Variants in INPP4B observed in about 807,000 individuals in gnomAD.
INPP4B encodes the protein inositol polyphosphate-4-phosphatase type II B.
Under a neutral mutation model 122.5 loss-of-function variants are expected in INPP4B, and 55 were observed. That is an observed-to-expected ratio of 0.45 (90% CI 0.36 to 0.56). The LOEUF (loss-of-function observed/expected upper bound fraction) is 0.56, where lower values mean the gene tolerates loss of function less well. Ranked by LOEUF, INPP4B falls within the 20% of genes least tolerant of loss-of-function variation. The pLI is 0.00. For synonymous variants in INPP4B, 403 were observed against 388.7 expected (o/e 1.04, Z -0.43); for missense variants, 1,000 against 1,097.7 (o/e 0.91, Z 1.26).
At chr4:142,639,133 G>C (rs1749818164) in intron 2 of INPP4B, among the ~76,000 whole-genome samples, 1 of 152,022 alleles carries the variant, frequency 6.6e-6, no homozygotes, top group Non-Finnish European at 1.5e-5. Context: ...ATGCCACTTG[G>C]TTGTGGTATA....
At chr4:142,519,605 C>T (rs1825832478) in intron 2 of INPP4B, among the ~76,000 whole-genome samples, 1 of 152,120 alleles carries the variant, frequency 6.6e-6, no homozygotes, top group African/African-American at 2.4e-5. Flanking sequence ...TGAATTCCTT[C>T]AGCAGCAGAA....
chr4:142,023,694 A>G lies in INPP4B; in HGVS notation c.*5088T>C, dbSNP rs1447919719. 5.3e-5 allele frequency: 8 copies of G among 152,170 alleles called. No homozygotes were observed. Among genetic ancestry groups the G allele is most frequent in the Admixed American group, 5.2e-4 (8 of 15,270 alleles). The allele number at this position is 152,170 out of a possible 1,614,324, so 9.4% of individuals were successfully genotyped here. On this transcript the variant is annotated 3_prime_UTR_variant, in exon 26 of 26. Coordinates refer to ENST00000262992, the MANE Select transcript of INPP4B (RefSeq NM_001101669.3). Reference sequence around the variant, plus strand: ...CGGTAATTTAGATGATTGAAGGAATATTATGAATGTATTTACACTGTGAGT... The same window carrying G: ...CGGTAATTTAGATGATTGAAGGAATGTTATGAATGTATTTACACTGTGAGT...
intron 2 of INPP4B, among the ~76,000 whole-genome samples, chr4:142,481,044 A>G (rs1820457427): frequency 1.3e-5 from 2 of 150,854 alleles, no homozygotes; most frequent in East Asian, 2.0e-4. Flanking sequence ...CTGAGGCAGG[A>G]GAATCACTTG....
intron 17 of INPP4B, among the ~76,000 whole-genome samples, chr4:142,159,705 C>G (rs900800939): frequency 1.4e-4 from 21 of 151,984 alleles, no homozygotes; most frequent in Non-Finnish European, 2.8e-4. Flanking sequence ...TAATAACACC[C>G]TGTTCCTCTG....
At chr4:142,261,698 C>T (rs1445401586) in intron 10 of INPP4B, among the ~76,000 whole-genome samples, 2 of 152,120 alleles carry the variant, frequency 1.3e-5, no homozygotes, top group Non-Finnish European at 2.9e-5. Context: ...CTTTAAGAAT[C>T]ATGTACACTG....
intron 1 of INPP4B, among the ~76,000 whole-genome samples, chr4:142,825,851 C>T (rs1025973391): frequency 2.0e-5 from 3 of 151,950 alleles, no homozygotes; most frequent in Admixed American, 2.0e-4. Flanking sequence ...GTATAGGGTA[C>T]AGCAAAGAAG....
intron 2 of INPP4B, among the ~76,000 whole-genome samples, chr4:142,663,183 G>A (rs927636961): frequency 2.0e-5 from 3 of 152,136 alleles, no homozygotes; most frequent in Non-Finnish European, 2.9e-5. Flanking sequence ...GTAGTCAGGC[G>A]AGTTATTCCA....
chr4:142,371,952 A>G (rs1426174775), intron 7 of INPP4B, among the ~76,000 whole-genome samples: 1 of 151,564 alleles, frequency 6.6e-6, no homozygotes, highest in East Asian at 1.9e-4. Context: ...AAAACGAAAG[A>G]AAATCAGTAT....
At chr4:142,796,314 A>G (rs1464560121) in intron 1 of INPP4B, among the ~76,000 whole-genome samples, 2 of 152,066 alleles carry the variant, frequency 1.3e-5, no homozygotes, top group Non-Finnish European at 2.9e-5. Flanking sequence ...TGCCATGAAA[A>G]TGATAAAAAT....
intron 18 of INPP4B, among the ~76,000 whole-genome samples, chr4:142,135,279 G>A (rs1345512285): frequency 6.6e-6 from 1 of 152,148 alleles, no homozygotes; most frequent in Non-Finnish European, 1.5e-5. Context: ...AAGTCTAACA[G>A]GGGAAATGAC....
At chr4:142,824,127 C>CG (rs1008396014) in intron 1 of INPP4B, among the ~76,000 whole-genome samples, 15 of 151,978 alleles carry the variant, frequency 9.9e-5, no homozygotes, top group African/African-American at 3.6e-4. Context: ...AAACCATGGC[C>CG]CCCCCAGGTT....
chr4:142,284,872 T>C (rs1752799488), intron 9 of INPP4B, among the ~76,000 whole-genome samples: 1 of 152,196 alleles, frequency 6.6e-6, no homozygotes, highest in Non-Finnish European at 1.5e-5. Flanking sequence ...GCCACAGTTT[T>C]TGTTGTAATT....
intron 2 of INPP4B, among the ~76,000 whole-genome samples, chr4:142,623,836 G>A (rs994630108): frequency 4.0e-5 from 6 of 150,608 alleles, no homozygotes; most frequent in South Asian, 2.1e-4. Context: ...TTTTGTCCTT[G>A]CGATAGTTTA....
At chr4:142,186,267 C>T (rs1246878233) in intron 15 of INPP4B, among the ~76,000 whole-genome samples, 1 of 152,154 alleles carries the variant, frequency 6.6e-6, no homozygotes, top group Non-Finnish European at 1.5e-5. Context: ...CATATATAAA[C>T]TCATCAAATT....
At chr4:142,296,009 TA>T (rs1758536075) in intron 9 of INPP4B, among the ~76,000 whole-genome samples, 1 of 152,226 alleles carries the variant, frequency 6.6e-6, no homozygotes, top group Non-Finnish European at 1.5e-5. Flanking sequence ...TCTTCAAAGC[TA>T]AATTAGCTCT....
intron 1 of INPP4B, among the ~76,000 whole-genome samples, chr4:142,738,453 C>T (rs1218352246): frequency 1.3e-5 from 2 of 152,072 alleles, no homozygotes; most frequent in East Asian, 1.9e-4. Context: ...ACACTGGGGC[C>T]TGTTGTGGTG....
chr4:142,578,475 G>C (rs1734313653), intron 2 of INPP4B, among the ~76,000 whole-genome samples: 1 of 151,924 alleles, frequency 6.6e-6, no homozygotes, highest in East Asian at 1.9e-4. Flanking sequence ...GAGTTGGCAG[G>C]TTGGTTTTCT....
intron 7 of INPP4B, among the ~76,000 whole-genome samples, chr4:142,394,020 A>C (rs553203373): frequency 3.3e-5 from 5 of 152,376 alleles, no homozygotes; most frequent in African/African-American, 1.2e-4. Flanking sequence ...TTTCTGGATC[A>C]TATGGCAGTA....
intron 15 of INPP4B, among the ~76,000 whole-genome samples, chr4:142,190,745 TGC>T (rs35444646): frequency 0.14 from 17,527 of 127,772 alleles, 1,188 homozygotes; most frequent in South Asian, 0.26. Flanking sequence ...TGTGTGTGTG[TGC>T]GCGTGTGTGT....
Sources: gnomAD v4.1 joint callset for allele counts (sites outside exome capture counted in the v4.1 genomes callset) on GRCh38, gnomAD v4.1.1 for gene constraint, MANE v1.5 for transcripts, NCBI Gene and HGNC (gene_info 2026-07-23, HGNC 2026-07-21) for gene names.